The following SI variants were observed in gnomAD, a reference collection of about 807,000 sequenced individuals.
SI encodes sucrase-isomaltase.
SI carries 235 observed loss-of-function variants against 253.3 expected under a neutral mutation model. The observed-to-expected ratio is 0.93, with a 90% CI of 0.83 to 1.03. SI has a LOEUF of 1.03. Ranked by LOEUF, SI falls within the 50% of genes least tolerant of loss-of-function variation. The pLI is 0.00. For synonymous variants in SI, 819 were observed against 712.0 expected (o/e 1.15, Z -2.39); for missense variants, 2,442 against 2,211.1 (o/e 1.10, Z -2.09).
intron 38 of SI, among the ~76,000 whole-genome samples, chr3:164,997,160 G>C (rs1718047997): frequency 6.6e-6 from 1 of 151,586 alleles, no homozygotes; most frequent in African/African-American, 2.4e-5. Context: ...ACTGGTTTCA[G>C]TCTATCATTT....
At chr3:165,054,096 G>C (rs1713568973) in intron 13 of SI, among the ~76,000 whole-genome samples, 1 of 152,026 alleles carries the variant, frequency 6.6e-6, no homozygotes, top group African/African-American at 2.4e-5. Context: ...ATGTCTGATA[G>C]ATACATGGTG....
At chr3:164,998,412 A>G in intron 38 of SI, 128 bp downstream of exon 38, 2 of 923,604 alleles carry the variant, frequency 2.2e-6, no homozygotes, top group South Asian at 2.7e-5. Context: ...TTCTGATGCT[A>G]TATGACATAA....
In SI at chr3:165,034,192, G is replaced by GT. The variant is rs1211582747; in HGVS notation, c.2516-749dup. ...CTGAAGATCACTTTACTGTCTCCAT[G>GT]TTTGCTTACAAATCCATTAATCAGA... On this transcript the variant is annotated intron_variant, in intron 22 of 47. Transcript: ENST00000264382. 2.0e-5 allele frequency among the ~76,000 whole-genome samples: 3 copies of GT among 151,744 alleles called. No individual in the cohort carries two copies. In the East Asian group the frequency reaches 5.8e-4, roughly 29 times the overall value.
At chr3:165,038,505 C>G (rs1048715860) in intron 20 of SI, among the ~76,000 whole-genome samples, 1 of 148,912 alleles carries the variant, frequency 6.7e-6, no homozygotes, top group Non-Finnish European at 1.5e-5. Flanking sequence ...GTCAGGAGAT[C>G]GAGACTATCC....
chr3:165,065,164 T>A (rs374780757), intron 7 of SI, 97 bp downstream of exon 7: 1 of 782,654 alleles, frequency 1.3e-6, no homozygotes. Context: ...AATAGTTTAG[T>A]TGATCAGTTA....
At chr3:164,994,766 T>C (rs574699802) in intron 40 of SI, among the ~76,000 whole-genome samples, 3 of 151,642 alleles carry the variant, frequency 2.0e-5, no homozygotes, top group East Asian at 1.9e-4. Context: ...CCAAAGTCGA[T>C]TGAAATAAAC....
chr3:165,066,541 ATGT>A (rs1445070495), intron 6 of SI, among the ~76,000 whole-genome samples: 2 of 151,850 alleles, frequency 1.3e-5, no homozygotes, highest in Admixed American at 1.3e-4. Context: ...TCTCAAAAAC[ATGT>A]TGTTTCTGTC....
Position 165,059,306 on chromosome 3 carries a change from G to C in SI, c.1147-7C>G. On this transcript the variant is annotated splice_polypyrimidine_tract_variant and splice_region_variant and intron_variant, in intron 10 of 47. Transcript: ENST00000264382. ...TATCAGTGACCTGTGTATCCTGAAAGTTAGAAGATTGTATTTCAATACATA... is the reference window on the plus strand; with the variant it reads ...TATCAGTGACCTGTGTATCCTGAAACTTAGAAGATTGTATTTCAATACATA... 1 of 1,611,512 alleles carries C rather than the reference G, an allele frequency of 6.2e-7. No individual in the cohort carries two copies. Among genetic ancestry groups the C allele is most frequent in the Non-Finnish European group, 8.5e-7 (1 of 1,178,180 alleles).
intron 1 of SI, among the ~76,000 whole-genome samples, chr3:165,077,160 T>C (rs1300121900): frequency 2.0e-5 from 3 of 151,604 alleles, no homozygotes; most frequent in Non-Finnish European, 4.4e-5. Context: ...GCCTTCATTT[T>C]ATCCCCAGCA....
chr3:165,012,402 T>C (rs1229720251), intron 34 of SI, among the ~76,000 whole-genome samples: 1 of 152,106 alleles, frequency 6.6e-6, no homozygotes, highest in Non-Finnish European at 1.5e-5. Context: ...TTAAATGTTA[T>C]TACTGTAATA....
intron 1 of SI, among the ~76,000 whole-genome samples, chr3:165,077,219 A>G (rs1666432234): frequency 6.6e-6 from 1 of 151,506 alleles, no homozygotes; most frequent in Non-Finnish European, 1.5e-5. Flanking sequence ...CTGCTGTTCA[A>G]TTTCAATCCC....
chr3:165,074,699 C>T, intron 2 of SI, 32 bp from the exon 3 acceptor site: 3 of 1,555,334 alleles, frequency 1.9e-6, no homozygotes, highest in Non-Finnish European at 2.7e-6. Flanking sequence ...TAAAATAAAA[C>T]ATGACATTAA....
chr3:165,041,006 A>T lies in SI; in HGVS notation c.2093T>A (p.Phe698Tyr), dbSNP rs1712800778. 1.2e-6 allele frequency: 2 copies of T among 1,612,404 alleles called. No individual in the cohort carries two copies. The highest frequency in any genetic ancestry group is 1.7e-6 in the Non-Finnish European group (2 of 1,178,866). Residue 698 changes from phenylalanine (F) to tyrosine (Y), a missense_variant, in exon 18 of 48, where the codon TTC (phenylalanine) becomes TAC (tyrosine). Phe to Tyr is a conservative substitution (Grantham distance 22). Transcript: ENST00000264382. ...GGCTTTATAAAACAGAGTGTAGAGG[A>T]AGGGTAATAAGGTGTAGCGAATAGT... ...YLTIRYTLLP[F>Y]LYTLFYKAHV...
In SI at chr3:165,019,871, A is replaced by G. The variant is rs929804238; in HGVS notation, c.3255-101T>C. 2.9e-6 allele frequency: 3 copies of G among 1,039,666 alleles called. No individual in the cohort carries two copies. The East Asian group carries it at 7.7e-5, about 27-fold the overall frequency. 64.4% of individuals were successfully genotyped at this position (1,039,666 alleles called of 1,614,324 possible). On this transcript the variant is annotated intron_variant, in intron 27 of 47. Coordinates refer to ENST00000264382, the MANE Select transcript of SI (RefSeq NM_001041.4). ...TTTCTTAGATTATCTAAAAATCAAT[A>G]TTATTTTCCATATTCCTAATTATAC...
rs772385303 is a variant in SI at position 165,049,157 on chromosome 3, T to C, written c.1685A>G (p.Tyr562Cys). The C allele has an allele frequency of 1.9e-6, 3 of 1,604,098 alleles. No individual in the cohort carries two copies. Among genetic ancestry groups the C allele is most frequent in the Non-Finnish European group, 2.6e-6 (3 of 1,170,968 alleles). The change falls in exon 15 of 48, where the codon TAT (tyrosine) becomes TGT (cysteine). Residue 562 changes from tyrosine (Y) to cysteine (C), a missense_variant. Transcript: ENST00000264382. ...WGKQYDVHSLYGYSMAIATEQ... is the reference protein window; with the variant it reads ...WGKQYDVHSLCGYSMAIATEQ... Reference sequence around the variant, plus strand: ...TGTGGCTATAGCCATGCTGTATCCATAGAGGCTATGAACATCATACTGTTT... The same window carrying C: ...TGTGGCTATAGCCATGCTGTATCCACAGAGGCTATGAACATCATACTGTTT...
At chr3:165,058,616 A>G (rs1713818206) in intron 12 of SI, among the ~76,000 whole-genome samples, 1 of 151,988 alleles carries the variant, frequency 6.6e-6, no homozygotes, top group Non-Finnish European at 1.5e-5. Context: ...ACAGAAATGT[A>G]AATAATTTTT....
intron 13 of SI, among the ~76,000 whole-genome samples, chr3:165,052,159 T>C (rs1364039288): frequency 2.0e-5 from 3 of 152,184 alleles, no homozygotes; most frequent in African/African-American, 7.2e-5. Context: ...ATTTATCTAT[T>C]GTAGTGTTTT....
chr3:165,039,203 T>C, intron 19 of SI, 69 bp from the exon 20 acceptor site: 2 of 1,128,600 alleles, frequency 1.8e-6, no homozygotes, highest in Non-Finnish European at 2.6e-6. Context: ...AAATATTAAG[T>C]TGGGTTTTCA....
chr3:165,031,421 T>C (rs1712238298), intron 24 of SI, among the ~76,000 whole-genome samples: 1 of 148,774 alleles, frequency 6.7e-6, no homozygotes. Context: ...GACCTTTATA[T>C]TGCATACATA....
Sources: gnomAD v4.1 joint callset for allele counts (sites outside exome capture counted in the v4.1 genomes callset) on GRCh38, gnomAD v4.1.1 for gene constraint, MANE v1.5 for transcripts, NCBI Gene and HGNC (gene_info 2026-07-23, HGNC 2026-07-21) for gene names.